Variants in MAF observed in about 807,000 individuals in gnomAD.
MAF encodes the protein MAF bZIP transcription factor.
Under a neutral mutation model 22.0 loss-of-function variants are expected in MAF, and 10 were observed. The ratio of observed to expected loss-of-function variants is 0.45; its 90% CI spans 0.28 to 0.77. The LOEUF is 0.77. Among genes scored for constraint, MAF ranks in the 30% least tolerant of loss-of-function variants. MAF has a pLI of 0.12. For missense variants in MAF, 544 were observed against 548.4 expected, an observed-to-expected ratio of 0.99 and a Z score of 0.08; for synonymous variants, 337 against 255.8, an observed-to-expected ratio of 1.32 and a Z score of -3.03.
chr16:79,300,197 T>A, the MAF span, among the ~76,000 whole-genome samples: 1 of 152,230 alleles, frequency 6.6e-6, no homozygotes, highest in Non-Finnish European at 1.5e-5. Context: ...GTGTATGGAA[T>A]AAAAAATTAA....
the MAF span, among the ~76,000 whole-genome samples, chr16:79,288,187 C>G: frequency 1.3e-5 from 2 of 152,176 alleles, no homozygotes. Context: ...ATGATGCTCA[C>G]AAGTTCTTTG....
chr16:79,510,602 C>T, the MAF span, among the ~76,000 whole-genome samples: 3 of 152,118 alleles, frequency 2.0e-5, no homozygotes, highest in African/African-American at 7.2e-5. Flanking sequence ...GGAAAGCCAC[C>T]CTGGGATCTA....
At chr16:79,319,570 G>T in the MAF span, among the ~76,000 whole-genome samples, 1 of 152,174 alleles carries the variant, frequency 6.6e-6, no homozygotes, top group Non-Finnish European at 1.5e-5. Flanking sequence ...GGTGGAAAGG[G>T]GCTGGGGGGA....
the MAF span, among the ~76,000 whole-genome samples, chr16:79,250,013 A>G: frequency 6.6e-6 from 1 of 152,240 alleles, no homozygotes; most frequent in Non-Finnish European, 1.5e-5. Flanking sequence ...GGCCTCCTAC[A>G]TTAACTGAAT....
At chr16:79,500,058 G>A in the MAF span, among the ~76,000 whole-genome samples, 1 of 152,194 alleles carries the variant, frequency 6.6e-6, no homozygotes, top group East Asian at 1.9e-4. Flanking sequence ...TGCCAACAGA[G>A]CTGGAAGAGG....
At chr16:79,590,766 T>C (rs1289602315), downstream of MAF, among the ~76,000 whole-genome samples, 1 of 152,058 alleles carries the variant, frequency 6.6e-6, no homozygotes, top group Non-Finnish European at 1.5e-5. Context: ...TAAGCCAAGG[T>C]TGGCCTGTGT....
At chr16:79,471,762 T>C in the MAF span, among the ~76,000 whole-genome samples, 1 of 152,252 alleles carries the variant, frequency 6.6e-6, no homozygotes, top group African/African-American at 2.4e-5. Context: ...GGACAGCTGA[T>C]AAGTGGTCAT....
the MAF span, among the ~76,000 whole-genome samples, chr16:79,289,841 T>C: frequency 1.6e-5 from 2 of 121,728 alleles, no homozygotes; most frequent in Non-Finnish European, 3.4e-5. Flanking sequence ...AAAGGCAGGA[T>C]GTTTGTTTGT....
the MAF span, among the ~76,000 whole-genome samples, chr16:79,486,314 A>G: frequency 2.3e-3 from 343 of 152,376 alleles, 2 homozygotes; most frequent in African/African-American, 7.7e-3. Context: ...AACTTTTTCA[A>G]AATGGTTATT....
At chr16:79,418,744 C>T in the MAF span, among the ~76,000 whole-genome samples, 4 of 152,108 alleles carry the variant, frequency 2.6e-5, no homozygotes, top group Non-Finnish European at 4.4e-5. Flanking sequence ...GACTTATTGT[C>T]GCTAAGATTT....
downstream of MAF, among the ~76,000 whole-genome samples, chr16:79,584,543 C>T (rs1008712314): frequency 6.6e-6 from 1 of 152,112 alleles, no homozygotes; most frequent in African/African-American, 2.4e-5. Context: ...CAGTGTGAAC[C>T]TTGCCTTTCA....
the MAF span, among the ~76,000 whole-genome samples, chr16:79,500,477 AG>A: frequency 5.9e-5 from 9 of 152,280 alleles, 1 homozygote; most frequent in East Asian, 9.7e-4. Flanking sequence ...GTCATACCCC[AG>A]TAGTTGCTTG....
chr16:79,380,448 G>C, the MAF span, among the ~76,000 whole-genome samples: 26 of 152,342 alleles, frequency 1.7e-4, no homozygotes, highest in Non-Finnish European at 3.4e-4. Context: ...TTCCAATACA[G>C]TGTGAGAGAG....
downstream of MAF, among the ~76,000 whole-genome samples, chr16:79,582,841 G>T (rs1912605921): frequency 1.3e-5 from 2 of 152,176 alleles, no homozygotes; most frequent in South Asian, 4.1e-4. Flanking sequence ...CTTCTTGTGG[G>T]TGGGGGATTT....
chr16:79,384,222 T>A, the MAF span, among the ~76,000 whole-genome samples: 1 of 151,960 alleles, frequency 6.6e-6, no homozygotes, highest in African/African-American at 2.4e-5. Context: ...GTCAAGTGGA[T>A]CACCTGAGGT....
At chr16:79,480,020 T>C in the MAF span, among the ~76,000 whole-genome samples, 1 of 152,088 alleles carries the variant, frequency 6.6e-6, no homozygotes, top group Non-Finnish European at 1.5e-5. Flanking sequence ...AATTGAAGGA[T>C]TTCATAGACA....
chr16:79,443,445 G>A, the MAF span, among the ~76,000 whole-genome samples: 2 of 152,210 alleles, frequency 1.3e-5, no homozygotes, highest in Non-Finnish European at 2.9e-5. Context: ...AGTCTGGTTG[G>A]ATGGCCCAAG....
the MAF span, among the ~76,000 whole-genome samples, chr16:79,238,146 T>C: frequency 6.6e-6 from 1 of 152,048 alleles, no homozygotes; most frequent in African/African-American, 2.4e-5. Context: ...GGCTCTTCCT[T>C]CTTGAAGACA....
the MAF span, among the ~76,000 whole-genome samples, chr16:79,277,293 CTAGGACCTCAG>C: frequency 6.6e-6 from 1 of 152,166 alleles, no homozygotes; most frequent in Non-Finnish European, 1.5e-5. Flanking sequence ...GTACCAGGAG[CTAGGACCTCAG>C]TATGACTTTT....
Sources: gnomAD v4.1 joint callset for allele counts (sites outside exome capture counted in the v4.1 genomes callset) on GRCh38, gnomAD v4.1.1 for gene constraint, MANE v1.5 for transcripts, NCBI Gene and HGNC (gene_info 2026-07-23, HGNC 2026-07-21) for gene names.